KCTD20: variants seen among roughly 807,000 people sequenced by gnomAD.
KCTD20 encodes BTB/POZ domain-containing protein KCTD20.
In KCTD20, 30 loss-of-function variants were observed where a neutral mutation model predicts 39.6. That is an observed-to-expected ratio of 0.76 (90% CI 0.57 to 1.03). The LOEUF is 1.03. Among genes scored for constraint, KCTD20 ranks in the 50% least tolerant of loss-of-function variants. KCTD20 has a pLI of 0.00. For synonymous variants in KCTD20, 162 were observed against 180.6 expected (o/e 0.90, Z 0.83); for missense variants, 422 against 522.0 (o/e 0.81, Z 1.87).
chr6:36,459,292 C>A lies in KCTD20; in HGVS notation c.-46-10760C>A, dbSNP rs372869061. Among the ~76,000 whole-genome samples, 151 of 152,274 alleles carry A rather than the reference C, an allele frequency of 9.9e-4. 1 individual carries two copies. The highest frequency in any genetic ancestry group is 3.4e-3 in the African/African-American group (143 of 41,566). On this transcript the variant is annotated intron_variant, in intron 1 of 7. Transcript: ENST00000373731. Reference sequence around the variant, plus strand: ...TGCCACTGCACTCCAGCCTGGGCAACAGAGCGAGACTCCGTCTCAAAAAAA... The same window carrying A: ...TGCCACTGCACTCCAGCCTGGGCAAAAGAGCGAGACTCCGTCTCAAAAAAA...
chr6:36,460,548 G>A (rs541194637), intron 1 of KCTD20, among the ~76,000 whole-genome samples: 8 of 152,144 alleles, frequency 5.3e-5, no homozygotes, highest in South Asian at 2.1e-4. Context: ...CAAGTGATCC[G>A]CCCACCTCAG....
intron 6 of KCTD20, among the ~76,000 whole-genome samples, chr6:36,483,170 A>G (rs1776308178): frequency 1.3e-5 from 2 of 151,342 alleles, no homozygotes; most frequent in African/African-American, 4.8e-5. Flanking sequence ...GATGTTGCCA[A>G]ATTATCCTCC....
intron 4 of KCTD20, 92 bp from the exon 5 acceptor site, chr6:36,479,499 T>C: frequency 1.7e-6 from 2 of 1,174,268 alleles, no homozygotes; most frequent in Non-Finnish European, 2.4e-6. Context: ...CAGTAGCTCA[T>C]TGCTTTAACA....
intron 4 of KCTD20, 57 bp from the exon 5 acceptor site, chr6:36,479,534 G>A (rs908330048): frequency 1.1e-5 from 16 of 1,481,022 alleles, no homozygotes; most frequent in Admixed American, 3.7e-5. Context: ...CAGGGATGAA[G>A]AAGTAATTTT....
intron 2 of KCTD20, among the ~76,000 whole-genome samples, chr6:36,473,788 TAAAA>T (rs1274181520): frequency 6.6e-6 from 1 of 150,998 alleles, no homozygotes; most frequent in African/African-American, 2.4e-5. Context: ...AAATAAAAAA[TAAAA>T]AAAGGAAAGG....
intron 1 of KCTD20, among the ~76,000 whole-genome samples, chr6:36,455,718 G>C (rs1775413797): frequency 6.6e-6 from 1 of 152,182 alleles, no homozygotes; most frequent in South Asian, 2.1e-4. Context: ...ACAGGTTGCA[G>C]CCAGGAGGGA....
At chr6:36,470,469 C>T (rs1775879083) in intron 2 of KCTD20, among the ~76,000 whole-genome samples, 2 of 152,150 alleles carry the variant, frequency 1.3e-5, no homozygotes, top group African/African-American at 2.4e-5. Flanking sequence ...GGTATTAAAA[C>T]AAACAAACAA....
rs760042167 is a variant in KCTD20 at position 36,479,171 on chromosome 6, G to A, written c.485G>A (p.Gly162Glu). The stretch of plus-strand genomic sequence containing the variant: ...AACTTCACTCGGCCCAATGAGAAGG[G>A]AGAGTATGAGATTGCTGAAGGCATC... ...EYNFTRPNEK[G>E]EYEIAEGISA... The change falls in exon 4 of 8, where the codon GGA becomes GAA. Residue 162 changes from glycine to glutamate, a missense_variant. Physicochemically the swap from Gly to Glu is moderately conservative, Grantham distance 98. Transcript: ENST00000373731. 3.7e-6 allele frequency: 6 copies of A among 1,613,942 alleles called. No homozygotes were observed. Among genetic ancestry groups the A allele is most frequent in the Non-Finnish European group, 5.1e-6 (6 of 1,179,974 alleles).
At chr6:36,452,195 G>A (rs534490467) in intron 1 of KCTD20, among the ~76,000 whole-genome samples, 2 of 151,986 alleles carry the variant, frequency 1.3e-5, no homozygotes, top group South Asian at 4.2e-4. Flanking sequence ...TTTTTATGTG[G>A]CTGAATTTGA....
At chr6:36,444,281 C>T (rs1466029468) in intron 1 of KCTD20, among the ~76,000 whole-genome samples, 1 of 152,178 alleles carries the variant, frequency 6.6e-6, no homozygotes, top group Non-Finnish European at 1.5e-5. Flanking sequence ...AAAAACTGCC[C>T]AACAGCCTTA....
Position 36,481,610 on chromosome 6 carries a change from A to G in KCTD20, c.707A>G (p.Asp236Gly). ...AATGACGGTGCTCATAAGCAGTTTG[A>G]TCACTACCTCGAAGAGCTCATCTTG... ...LSNDGAHKQF[D>G]HYLEELILPI... The change falls in exon 6 of 8, where the codon GAT becomes GGT. Residue 236 changes from aspartate to glycine, a missense_variant. Coordinates refer to ENST00000373731, the MANE Select transcript of KCTD20 (RefSeq NM_173562.5). 1.9e-6 allele frequency: 3 copies of G among 1,614,220 alleles called. No homozygotes were observed. The East Asian group carries it at 6.7e-5, about 36-fold the overall frequency.
chr6:36,465,007 A>C lies in KCTD20; in HGVS notation c.-46-5045A>C, dbSNP rs189123352. On this transcript the variant is annotated intron_variant, in intron 1 of 7. Coordinates refer to ENST00000373731, the MANE Select transcript of KCTD20 (RefSeq NM_173562.5). The stretch of plus-strand genomic sequence containing the variant: ...GCCTTTTGAAAGATCATGTCCTTGC[A>C]CTATTAACGGTATGAAATGGTGGCT... Among the ~76,000 whole-genome samples the C allele has an allele frequency of 5.5e-4, 84 of 152,214 alleles. 1 individual carries two copies. Among genetic ancestry groups the C allele is most frequent in the Non-Finnish European group, 1.1e-3 (73 of 68,010 alleles).
chr6:36,446,024 G>GTTT (rs553882182), intron 1 of KCTD20, among the ~76,000 whole-genome samples: 5 of 126,530 alleles, frequency 4.0e-5, no homozygotes, highest in South Asian at 2.4e-4. Flanking sequence ...TATGAACTCA[G>GTTT]TTTTTTTTTT....
In KCTD20 at chr6:36,474,996, T is replaced by C; in HGVS notation, c.368T>C (p.Val123Ala). Residue 123 changes from valine to alanine, a missense_variant, in exon 3 of 8, where the codon GTA becomes GCA. Coordinates refer to ENST00000373731, the MANE Select transcript of KCTD20 (RefSeq NM_173562.5). ...GCACCAGAGAAAGTGACGCTTCTTG[T>C]AGATGGCACACGTTTTGTTGTGAAT... ...SQAPEKVTLL[V>A]DGTRFVVNPQ... The C allele has an allele frequency of 6.2e-7, 1 of 1,614,178 alleles. No individual in the cohort carries two copies. Among genetic ancestry groups the C allele is most frequent in the Non-Finnish European group, 8.5e-7 (1 of 1,180,016 alleles).
intron 5 of KCTD20, 97 bp from the exon 6 acceptor site, chr6:36,481,465 T>G: frequency 1.1e-6 from 1 of 879,534 alleles, no homozygotes; most frequent in South Asian, 1.4e-5. Flanking sequence ...TCTCTGAACC[T>G]CATCAATGAT....
At position 36,466,950 on chromosome 6, in the gene KCTD20, T is replaced by C. The variant is rs150368298; in HGVS notation, c.-46-3102T>C. The stretch of plus-strand genomic sequence containing the variant: ...CATCATTCTGGGATTTTAGAGGAAA[T>C]AGAGTTTATAGGGGACTTTGGGAAA... On this transcript the variant is annotated intron_variant, in intron 1 of 7. Transcript: ENST00000373731. 3.9e-3 allele frequency among the ~76,000 whole-genome samples: 601 copies of C among 152,174 alleles called. 5 individuals are homozygous for C. The highest frequency in any genetic ancestry group is 0.013 in the African/African-American group (554 of 41,522).
chr6:36,461,757 T>C (rs1775609281), intron 1 of KCTD20, among the ~76,000 whole-genome samples: 1 of 152,156 alleles, frequency 6.6e-6, no homozygotes, highest in Non-Finnish European at 1.5e-5. Context: ...CTAAGGGTAG[T>C]AAGTTAGGAG....
In KCTD20 at chr6:36,488,378, C is replaced by T. The variant is rs1168374019; in HGVS notation, c.*1203C>T. 2 of 152,166 alleles carry T rather than the reference C, an allele frequency of 1.3e-5. No homozygotes were observed. The highest frequency in any genetic ancestry group is 2.9e-5 in the Non-Finnish European group (2 of 68,026). The allele number at this position is 152,166 out of a possible 1,614,324, so 9.4% of individuals were successfully genotyped here. A position where few individuals can be genotyped will look rare whatever the true frequency, so the allele number is the denominator to read the frequency against. On this transcript the variant is annotated 3_prime_UTR_variant, in exon 8 of 8. Coordinates refer to ENST00000373731, the MANE Select transcript of KCTD20 (RefSeq NM_173562.5). ...TAGCTCTGTTATCAGTGCATGATCA[C>T]CCAGATCACCCTCCTCAGCCCACAC...
At chr6:36,463,972 A>G (rs1775671475) in intron 1 of KCTD20, among the ~76,000 whole-genome samples, 1 of 152,240 alleles carries the variant, frequency 6.6e-6, no homozygotes, top group African/African-American at 2.4e-5. Flanking sequence ...TGTTTTACAT[A>G]TTCAGGAAAT....
Sources: allele counts gnomAD v4.1 joint callset (sites outside exome capture counted in the v4.1 genomes callset), GRCh38; gene constraint gnomAD v4.1.1; transcripts MANE v1.5; gene names NCBI Gene and HGNC (gene_info 2026-07-23, HGNC 2026-07-21).